ZNF7: variants seen among roughly 807,000 people sequenced by gnomAD.
ZNF7 encodes the protein C2-H2 type zinc finger protein.
ZNF7 carries 10 observed loss-of-function variants against 12.0 expected under a neutral mutation model. That is an observed-to-expected ratio of 0.83 (90% CI 0.51 to 1.42). The LOEUF is 1.42. Among genes scored for constraint, ZNF7 ranks in the 40% most tolerant of loss-of-function variants. ZNF7 has a pLI of 0.00. For synonymous variants in ZNF7, 334 were observed against 295.0 expected (o/e 1.13, Z -1.35); for missense variants, 854 against 837.2 (o/e 1.02, Z -0.25).
In ZNF7 at chr8:144,841,744, C is replaced by T. The variant is rs1211845346; in HGVS notation, c.637C>T (p.Leu213=). Residue 213 remains leucine, a synonymous_variant, in exon 5 of 5, where the codon CTG becomes TTG. Coordinates refer to ENST00000532777, the MANE Select transcript of ZNF7 (RefSeq NM_003416.4). ...KGIRATSDIA[L]HWEINTQKIS... is the part of the protein sequence containing the mutation. ...CATCAGAGCCACTTCAGATATCGCT[C>T]TGCATTGGGAAATTAATACACAGAA... 1 of 1,614,036 alleles carries T rather than the reference C, an allele frequency of 6.2e-7. No homozygotes were observed. The highest frequency in any genetic ancestry group is 1.3e-5 in the African/African-American group (1 of 74,920).
At chr8:144,831,520 A>G (rs550271792) in intron 3 of ZNF7, among the ~76,000 whole-genome samples, 4 of 152,332 alleles carry the variant, frequency 2.6e-5, no homozygotes, top group South Asian at 4.1e-4. Context: ...GCGGTGGCTC[A>G]TATCTGTAAT....
Position 144,842,670 on chromosome 8 carries a change from A to G in ZNF7, c.1563A>G (p.Gly521=), listed in dbSNP as rs1006602328. The change falls in exon 5 of 5, where the codon GGA becomes GGG. Residue 521 remains glycine (G), a synonymous_variant. Coordinates refer to ENST00000532777, the MANE Select transcript of ZNF7 (RefSeq NM_003416.4). ...TTTACCATCAGAGAATCCATAAAGG[A>G]GAGAAGCCCTACGAATGCCTCCAAT... ...SLIYHQRIHK[G]EKPYECLQCG... is the part of the protein sequence containing the mutation. 1.2e-6 allele frequency: 2 copies of G among 1,614,054 alleles called. No individual in the cohort carries two copies. The highest frequency in any genetic ancestry group is 2.7e-5 in the African/African-American group (2 of 74,910).
chr8:144,846,071 CAA>C (rs1250715356), downstream of ZNF7: 44 of 1,536,412 alleles, frequency 2.9e-5, 1 homozygote, highest in Admixed American at 5.9e-5. Flanking sequence ...ACACTGCTCA[CAA>C]AGACTGACCC....
chr8:144,831,359 C>A (rs1346720734), intron 3 of ZNF7, among the ~76,000 whole-genome samples: 2 of 152,166 alleles, frequency 1.3e-5, no homozygotes, highest in Non-Finnish European at 2.9e-5. Context: ...TGGTGACTTA[C>A]CTGCAGCAGT....
downstream of ZNF7, chr8:144,846,448 C>T (rs1830515527): frequency 2.5e-5 from 9 of 353,450 alleles, no homozygotes; most frequent in South Asian, 1.7e-4. Context: ...GATGCCCAAG[C>T]GTCTTCATGG....
At chr8:144,829,762 A>G (rs1828216769) in intron 3 of ZNF7, 158 bp downstream of exon 3, 1 of 968,754 alleles carries the variant, frequency 1.0e-6, no homozygotes, top group Non-Finnish European at 1.4e-6. Flanking sequence ...GCTGGTTCCT[A>G]GCTTTGCCCA....
intron 1 of ZNF7, among the ~76,000 whole-genome samples, chr8:144,828,479 C>T (rs949619521): frequency 1.3e-5 from 2 of 152,068 alleles, no homozygotes; most frequent in African/African-American, 4.8e-5. Flanking sequence ...ACTGCCTTCC[C>T]TTGCTGCCGG....
At chr8:144,829,278 G>A in intron 2 of ZNF7, 188 bp downstream of exon 2, 1 of 1,532,078 alleles carries the variant, frequency 6.5e-7, no homozygotes, top group Non-Finnish European at 8.8e-7. Context: ...CTCTTGAGGG[G>A]GGAGGGTTGT....
chr8:144,841,608 AC>A lies in ZNF7; in HGVS notation c.505del (p.Gln169ArgfsTer121), dbSNP rs1474975190. On this transcript the variant is annotated frameshift_variant, in exon 5 of 5. Coordinates refer to ENST00000532777, the MANE Select transcript of ZNF7 (RefSeq NM_003416.4). LOFTEE classifies it low-confidence loss of function (END_TRUNC). ...VVPKTFTKDA[P>X]QGCKELGSSG... is the part of the protein sequence containing the mutation. ...TTCCCAAGACCTTCACCAAGGACGC[AC>A]CCCAGGGATGTAAGGAGCTGGGAAG... 1 of 1,614,142 alleles carries A rather than the reference AC, an allele frequency of 6.2e-7. No individual in the cohort carries two copies. The highest frequency in any genetic ancestry group is 8.5e-7 in the Non-Finnish European group (1 of 1,180,028).
Position 144,842,584 on chromosome 8 carries a change from G to A in ZNF7, c.1477G>A (p.Gly493Arg). ...TATTCAGCATCAGCGAATCCACACT[G>A]GAGAGAAACCCTATGTGTGTAATGA... ...HLIQHQRIHT[G>R]EKPYVCNDCG... Residue 493 changes from glycine (G) to arginine (R), a missense_variant, in exon 5 of 5, where the codon GGA becomes AGA. Gly to Arg is a moderately radical substitution (Grantham distance 125). Coordinates refer to ENST00000532777, the MANE Select transcript of ZNF7 (RefSeq NM_003416.4). 6.2e-7 allele frequency: 1 copy of A among 1,614,216 alleles called. No homozygotes were observed. The highest frequency in any genetic ancestry group is 1.6e-4 in the Middle Eastern group (1 of 6,062).
At position 144,839,564 on chromosome 8, in the gene ZNF7, G is replaced by C. The variant is rs79911954; in HGVS notation, c.248-1791G>C. Among the ~76,000 whole-genome samples, 40 of 152,364 alleles carry C rather than the reference G, an allele frequency of 2.6e-4. No individual in the cohort carries two copies. In the East Asian group the frequency reaches 7.5e-3, roughly 29 times the overall value. On this transcript the variant is annotated intron_variant, in intron 4 of 4. Coordinates refer to ENST00000532777, the MANE Select transcript of ZNF7 (RefSeq NM_003416.4). ...TCAGTGGGTTTATATGTAGCAGGTG[G>C]TCCTCACTGTGATAAAGCAACAACA...
chr8:144,843,324 T>C lies in ZNF7; in HGVS notation c.*156T>C, dbSNP rs190780755. On this transcript the variant is annotated 3_prime_UTR_variant, in exon 5 of 5. Transcript: ENST00000532777. ...CCAACTTCAGGCCGAGTGTGGTGGC[T>C]TATGCCTGTCATCCCAGCACTTTGG... 1.8e-4 allele frequency: 176 copies of C among 974,500 alleles called. No homozygotes were observed. In the African/African-American group the frequency reaches 2.7e-3, roughly 15 times the overall value. The allele number at this position is 974,500 out of a possible 1,614,324, so 60.4% of individuals were successfully genotyped here.
downstream of ZNF7, among the ~76,000 whole-genome samples, chr8:144,845,319 T>C (rs963074753): frequency 1.3e-5 from 2 of 152,006 alleles, no homozygotes; most frequent in Admixed American, 6.5e-5. Flanking sequence ...CAGGCACAGC[T>C]GAGAAACTCG....
At position 144,841,836 on chromosome 8, in the gene ZNF7, C is replaced by G; in HGVS notation, c.729C>G (p.Asn243Lys). 6.2e-7 allele frequency: 1 copy of G among 1,614,174 alleles called. No homozygotes were observed. The highest frequency in any genetic ancestry group is 8.5e-7 in the Non-Finnish European group (1 of 1,180,038). Residue 243 changes from asparagine to lysine, a missense_variant, in exon 5 of 5, where the codon AAC (asparagine) becomes AAG (lysine). Transcript: ENST00000532777. ...SDCLQGKHTN[N>K]CHGEKPYECA... ...GCTTGCAGGGGAAACATACAAATAA[C>G]TGCCATGGAGAGAAGCCGTACGAAT...
rs1399527686 is a variant in ZNF7 at position 144,840,892 on chromosome 8, C to CTT, written c.248-462_248-461dup. 5 of 156,420 alleles carry CTT rather than the reference C, an allele frequency of 3.2e-5. No individual in the cohort carries two copies. The East Asian group carries it at 7.4e-4, about 23-fold the overall frequency. The allele number at this position is 156,420 out of a possible 1,614,324, so 9.7% of individuals were successfully genotyped here. ...TCTTCTGAGCTCACGTAGTAAGTCC[C>CTT]TTGGCAGCTCTTCCAGCCTTGTTTC... On this transcript the variant is annotated intron_variant, in intron 4 of 4. Transcript: ENST00000532777.
chr8:144,845,857 G>A, downstream of ZNF7: 2 of 916,316 alleles, frequency 2.2e-6, no homozygotes, highest in South Asian at 1.6e-5. Flanking sequence ...TGGAGTATGT[G>A]TGCAGTGTCC....
intron 1 of ZNF7, chr8:144,828,732 G>C: frequency 2.7e-6 from 1 of 369,882 alleles, no homozygotes; most frequent in East Asian, 4.8e-5. Context: ...CCGCCAGACT[G>C]CTTCGTGAAG....
At chr8:144,846,028 A>G (rs1586854817), downstream of ZNF7, 1 of 1,536,432 alleles carries the variant, frequency 6.5e-7, no homozygotes. Flanking sequence ...ACCCACATGC[A>G]CCGCCTGCAA....
chr8:144,835,347 G>A (rs995964466), intron 3 of ZNF7: 2 of 152,072 alleles, frequency 1.3e-5, no homozygotes, highest in African/African-American at 4.8e-5. Flanking sequence ...GGGACTATAG[G>A]TGTGCGCCAC....
Sources: allele counts gnomAD v4.1 joint callset (sites outside exome capture counted in the v4.1 genomes callset), GRCh38; gene constraint gnomAD v4.1.1; transcripts MANE v1.5; gene names NCBI Gene and HGNC (gene_info 2026-07-23, HGNC 2026-07-21).